PARL: variants seen among roughly 807,000 people sequenced by gnomAD.
PARL encodes presenilin-associated rhomboid-like protein, mitochondrial.
Under a neutral mutation model 51.6 loss-of-function variants are expected in PARL, and 44 were observed. The observed-to-expected ratio is 0.85, with a 90% CI of 0.67 to 1.10. The LOEUF (loss-of-function observed/expected upper bound fraction) is 1.10. Among genes scored for constraint, PARL ranks in the 50% least tolerant of loss-of-function variants. The probability of loss-of-function intolerance (pLI) is 0.00; values close to 1 mark genes in which losing one functional copy is unlikely to be tolerated. For synonymous variants in PARL, 172 were observed against 164.0 expected, an observed-to-expected ratio of 1.05 and a Z score of -0.37; for missense variants, 441 against 469.5, an observed-to-expected ratio of 0.94 and a Z score of 0.56.
chr3:183,870,277 CAA>C (rs1233474859), intron 1 of PARL, among the ~76,000 whole-genome samples: 8 of 132,200 alleles, frequency 6.1e-5, no homozygotes, highest in Non-Finnish European at 8.1e-5. Context: ...GACCTTGTCT[CAA>C]AAAAAAAAAA....
chr3:183,858,473 G>A (rs948393859), intron 4 of PARL, among the ~76,000 whole-genome samples: 14 of 152,260 alleles, frequency 9.2e-5, no homozygotes, highest in African/African-American at 2.6e-4. Context: ...GAGGAACTAC[G>A]GCACAGTTTT....
At chr3:183,883,764 A>C in intron 1 of PARL, 1 of 896,834 alleles carries the variant, frequency 1.1e-6, no homozygotes, top group Non-Finnish European at 1.3e-6. Context: ...CTTGTCGGAC[A>C]TATAGGTTCT....
At position 183,867,918 on chromosome 3, in the gene PARL, G is replaced by C. The variant is rs1331941375; in HGVS notation, c.268C>G (p.Pro90Ala). ...IPPVEETVFY[P>A]SPYPIRSLIK... ...AGACTCCTTATAGGATAGGGAGAAG[G>C]ATAAAAGACTGTTTCTTCCACAGGA... Residue 90 changes from proline to alanine, a missense_variant, in exon 2 of 10, where the codon CCT becomes GCT. Coordinates refer to ENST00000317096, the MANE Select transcript of PARL (RefSeq NM_018622.7). 6.2e-7 allele frequency: 1 copy of C among 1,613,850 alleles called. No homozygotes were observed. Among genetic ancestry groups the C allele is most frequent in the Non-Finnish European group, 8.5e-7 (1 of 1,179,796 alleles).
At chr3:183,853,830 G>A (rs35929624) in intron 4 of PARL, among the ~76,000 whole-genome samples, 7,537 of 152,208 alleles carry the variant, frequency 0.05, 221 homozygotes, top group East Asian at 0.079. Context: ...AGACTTGAGC[G>A]CTGTTGGCGA....
intron 7 of PARL, among the ~76,000 whole-genome samples, 193 bp downstream of exon 7, chr3:183,840,377 A>T (rs1318017197): frequency 6.6e-6 from 1 of 152,226 alleles, no homozygotes; most frequent in Admixed American, 6.5e-5. Flanking sequence ...ACAAAGCTTT[A>T]CAAATGTATA....
chr3:183,870,572 C>T (rs75390430), intron 1 of PARL, among the ~76,000 whole-genome samples: 1,937 of 152,172 alleles, frequency 0.013, 39 homozygotes, highest in African/African-American at 0.044. Context: ...GCCTGGAATA[C>T]GCCACCATTT....
chr3:183,838,799 A>AT (rs1261531779), intron 7 of PARL, among the ~76,000 whole-genome samples: 2 of 152,246 alleles, frequency 1.3e-5, no homozygotes, highest in Non-Finnish European at 2.9e-5. Context: ...TATCTATAAG[A>AT]TGAGGACAAC....
intron 7 of PARL, among the ~76,000 whole-genome samples, chr3:183,834,078 G>A (rs934898770): frequency 6.6e-6 from 1 of 152,196 alleles, no homozygotes; most frequent in Non-Finnish European, 1.5e-5. Context: ...CTCATGAACC[G>A]CAAGGACAGT....
chr3:183,882,359 GCA>G (rs1734649661), intron 1 of PARL, among the ~76,000 whole-genome samples: 1 of 125,928 alleles, frequency 7.9e-6, no homozygotes, highest in Non-Finnish European at 1.6e-5. Context: ...ATACATATAT[GCA>G]CATATATACA....
intron 4 of PARL, among the ~76,000 whole-genome samples, chr3:183,855,118 T>C (rs549438153): frequency 2.0e-5 from 3 of 151,898 alleles, no homozygotes; most frequent in Non-Finnish European, 4.4e-5. Context: ...AGAAAGCAGG[T>C]TGATGGCTGC....
intron 4 of PARL, among the ~76,000 whole-genome samples, chr3:183,855,546 A>G (rs570252621): frequency 6.6e-6 from 1 of 152,334 alleles, no homozygotes; most frequent in Non-Finnish European, 1.5e-5. Context: ...TGGTTTCAGA[A>G]TGATTCAAGT....
chr3:183,855,203 T>A (rs1254525680), intron 4 of PARL, among the ~76,000 whole-genome samples: 2 of 152,190 alleles, frequency 1.3e-5, no homozygotes, highest in African/African-American at 4.8e-5. Flanking sequence ...CTTTCTGGGA[T>A]AATGAAAAGG....
chr3:183,834,909 A>G (rs1040062064), intron 7 of PARL, among the ~76,000 whole-genome samples: 1 of 133,098 alleles, frequency 7.5e-6, no homozygotes, highest in Admixed American at 7.7e-5. Flanking sequence ...AAAAAAAAAA[A>G]TTAGCTGGGC....
intron 4 of PARL, among the ~76,000 whole-genome samples, chr3:183,859,511 A>C (rs1560408542): frequency 6.6e-6 from 1 of 151,932 alleles, no homozygotes; most frequent in Non-Finnish European, 1.5e-5. Flanking sequence ...CTAATTTTGT[A>C]TTTTTAGTAG....
chr3:183,873,182 AAAGT>A (rs1479307181), intron 1 of PARL, among the ~76,000 whole-genome samples: 3 of 152,278 alleles, frequency 2.0e-5, no homozygotes, highest in Admixed American at 2.0e-4. Flanking sequence ...GGTGTATCAT[AAAGT>A]AATAGGAATA....
intron 5 of PARL, among the ~76,000 whole-genome samples, chr3:183,842,873 CTT>C (rs550073931): frequency 1.1e-4 from 14 of 123,376 alleles, no homozygotes; most frequent in Admixed American, 3.3e-4. Context: ...ATTTTTAAGA[CTT>C]TTTTTTTTTT....
chr3:183,869,689 G>A (rs192510678), intron 1 of PARL, among the ~76,000 whole-genome samples: 33 of 151,990 alleles, frequency 2.2e-4, no homozygotes, highest in Admixed American at 3.3e-4. Flanking sequence ...AGCAGAGCTC[G>A]GGTAGGTCTT....
intron 3 of PARL, among the ~76,000 whole-genome samples, chr3:183,863,119 T>A (rs1732031293): frequency 6.6e-6 from 1 of 152,122 alleles, no homozygotes; most frequent in Non-Finnish European, 1.5e-5. Context: ...AACAATAATG[T>A]AAAGCCCCTA....
At chr3:183,866,828 C>T in intron 2 of PARL, 63 bp from the exon 3 acceptor site, 6 of 1,202,216 alleles carry the variant, frequency 5.0e-6, no homozygotes, top group Non-Finnish European at 7.3e-6. Flanking sequence ...TACATTATTT[C>T]CAAGGAGAAT....
Sources: gnomAD v4.1 joint callset for allele counts (sites outside exome capture counted in the v4.1 genomes callset) on GRCh38, gnomAD v4.1.1 for gene constraint, MANE v1.5 for transcripts, NCBI Gene and HGNC (gene_info 2026-07-23, HGNC 2026-07-21) for gene names.